RORA: variants seen among roughly 807,000 people sequenced by gnomAD.
The protein encoded by RORA is nuclear receptor ROR-alpha.
In RORA, 7 loss-of-function variants were observed where a neutral mutation model predicts 69.5. The observed-to-expected ratio is 0.10, with a 90% CI of 0.06 to 0.19. The LOEUF is 0.19. RORA is among the 10% of genes least tolerant of loss of function. The pLI is 1.00. For missense variants in RORA, 457 were observed against 663.0 expected (o/e 0.69, Z 3.41); for synonymous variants, 261 against 240.8 (o/e 1.08, Z -0.78).
At chr15:60,954,349 G>A (rs1363933048) in intron 1 of RORA, among the ~76,000 whole-genome samples, 1 of 147,934 alleles carries the variant, frequency 6.8e-6, no homozygotes, top group East Asian at 2.0e-4. Flanking sequence ...GCTAGATGAC[G>A]AGTTAGTGGG....
rs138981543 is a variant in RORA at position 61,132,376 on chromosome 15, G to A, written c.166+96677C>T. Among the ~76,000 whole-genome samples, 168 of 152,040 alleles carry A rather than the reference G, an allele frequency of 1.1e-3. 1 individual carries two copies. The highest frequency in any genetic ancestry group is 3.9e-3 in the African/African-American group (162 of 41,460). On this transcript the variant is annotated intron_variant, in intron 1 of 10. Transcript: ENST00000335670. ...AATTCAACAAAGTGTCTTACAGCTC[G>A]ATTGTTCTTGCTGTTTACAAAGTTT...
intron 2 of RORA, among the ~76,000 whole-genome samples, chr15:60,623,964 A>C (rs962162034): frequency 1.4e-5 from 2 of 143,884 alleles, no homozygotes; most frequent in African/African-American, 5.0e-5. Context: ...TCCCACTAAA[A>C]TTCTTGCTCG....
chr15:61,198,862 C>T (rs1460899061), intron 1 of RORA, among the ~76,000 whole-genome samples: 1 of 152,076 alleles, frequency 6.6e-6, no homozygotes, highest in Admixed American at 6.6e-5. Context: ...TATGATTTCC[C>T]TTAACTCCTC....
chr15:60,515,904 A>G (rs2065852479), intron 3 of RORA, among the ~76,000 whole-genome samples: 1 of 106,222 alleles, frequency 9.4e-6, no homozygotes, highest in East Asian at 2.2e-4. Context: ...ATATATTTAT[A>G]TATATTGTAT....
At chr15:60,738,196 T>A (rs1046746208) in intron 1 of RORA, among the ~76,000 whole-genome samples, 1 of 152,204 alleles carries the variant, frequency 6.6e-6, no homozygotes, top group Admixed American at 6.5e-5. Flanking sequence ...TAGCCAAACA[T>A]CGACAATGTA....
intron 1 of RORA, among the ~76,000 whole-genome samples, chr15:60,781,822 G>C (rs896499956): frequency 3.9e-5 from 6 of 152,208 alleles, no homozygotes; most frequent in South Asian, 2.1e-4. Flanking sequence ...TTCCCACTTT[G>C]TTCTACAATC....
intron 1 of RORA, among the ~76,000 whole-genome samples, chr15:60,942,628 A>G (rs1892734752): frequency 5.3e-5 from 8 of 152,234 alleles, no homozygotes. Context: ...GTTACTGATG[A>G]TACTTAGAGA....
chr15:60,651,041 C>T lies in RORA; in HGVS notation c.196+27616G>A, dbSNP rs17191554. Among the ~76,000 whole-genome samples the T allele has an allele frequency of 4.1e-4, 62 of 152,258 alleles. 2 individuals carry two copies. The Middle Eastern group carries it at 0.024, about 58-fold the overall frequency. ...CACACAGCCCCTGACCACTCCCTTC[C>T]GTTAACAATGCATATTGTCAGCGGT... On this transcript the variant is annotated intron_variant, in intron 2 of 10. Coordinates refer to ENST00000335670, the MANE Select transcript of RORA (RefSeq NM_134261.3).
intron 1 of RORA, among the ~76,000 whole-genome samples, chr15:60,931,461 G>C (rs984919415): frequency 6.6e-6 from 1 of 152,238 alleles, no homozygotes; most frequent in Non-Finnish European, 1.5e-5. Context: ...AGCTTCCAGA[G>C]CTAAGCCCTG....
chr15:60,946,343 A>G (rs1054448594), intron 1 of RORA, among the ~76,000 whole-genome samples: 2 of 151,892 alleles, frequency 1.3e-5, no homozygotes, highest in Non-Finnish European at 2.9e-5. Flanking sequence ...TACTGCCGCC[A>G]TCTCTGCTCA....
intron 1 of RORA, among the ~76,000 whole-genome samples, chr15:60,830,333 AC>A (rs577528052): frequency 6.6e-6 from 1 of 152,298 alleles, no homozygotes; most frequent in South Asian, 2.1e-4. Context: ...ATTTTCTGCC[AC>A]TGTTTTTTTC....
At chr15:61,030,375 T>G (rs1896097112) in intron 1 of RORA, among the ~76,000 whole-genome samples, 1 of 152,184 alleles carries the variant, frequency 6.6e-6, no homozygotes, top group Admixed American at 6.5e-5. Context: ...CACACTAAAG[T>G]ATTCCAGGTA....
intron 1 of RORA, among the ~76,000 whole-genome samples, chr15:60,927,862 G>A (rs1387050120): frequency 6.6e-6 from 1 of 152,202 alleles, no homozygotes; most frequent in Non-Finnish European, 1.5e-5. Context: ...TCAGTCCGAT[G>A]TTCTCATTTT....
chr15:60,797,237 T>C (rs993247325), intron 1 of RORA, among the ~76,000 whole-genome samples: 1 of 152,050 alleles, frequency 6.6e-6, no homozygotes, highest in African/African-American at 2.4e-5. Flanking sequence ...TGCTACTGAA[T>C]TGCACACTTA....
chr15:60,735,849 C>T (rs965392164), intron 1 of RORA, among the ~76,000 whole-genome samples: 20 of 152,124 alleles, frequency 1.3e-4, no homozygotes, highest in African/African-American at 4.8e-4. Context: ...TATTGGGAAG[C>T]AGCAAAAGTG....
chr15:60,951,776 G>T (rs1440067892), intron 1 of RORA, among the ~76,000 whole-genome samples: 2 of 152,128 alleles, frequency 1.3e-5, no homozygotes, highest in Non-Finnish European at 2.9e-5. Flanking sequence ...AATAACAGGA[G>T]CTGAAATTGT....
chr15:61,114,191 C>T (rs1476354930), intron 1 of RORA, among the ~76,000 whole-genome samples: 1 of 152,106 alleles, frequency 6.6e-6, no homozygotes, highest in Non-Finnish European at 1.5e-5. Context: ...CACCAGGAGA[C>T]TGATGTCACT....
chr15:60,913,486 T>G (rs1318717382), intron 1 of RORA, among the ~76,000 whole-genome samples: 1 of 152,216 alleles, frequency 6.6e-6, no homozygotes, highest in African/African-American at 2.4e-5. Context: ...TAAGAGACTG[T>G]CAGTACAACT....
intron 1 of RORA, among the ~76,000 whole-genome samples, chr15:60,928,763 C>T (rs1892288873): frequency 6.6e-6 from 1 of 152,088 alleles, no homozygotes; most frequent in African/African-American, 2.4e-5. Flanking sequence ...TGATGGTTTC[C>T]ACTGTGCCAT....
Sources: gnomAD v4.1 joint callset for allele counts (sites outside exome capture counted in the v4.1 genomes callset) on GRCh38, gnomAD v4.1.1 for gene constraint, MANE v1.5 for transcripts, NCBI Gene and HGNC (gene_info 2026-07-23, HGNC 2026-07-21) for gene names.